THAP4: variants seen among roughly 807,000 people sequenced by gnomAD.
The protein encoded by THAP4 is peroxynitrite isomerase THAP4.
In THAP4, 18 loss-of-function variants were observed where a neutral mutation model predicts 48.1. The ratio of observed to expected loss-of-function variants is 0.37; its 90% CI spans 0.26 to 0.56. The LOEUF is 0.56. Ranked by LOEUF, THAP4 falls within the 20% of genes least tolerant of loss-of-function variation. The pLI, the probability that THAP4 is intolerant of heterozygous loss-of-function variation, is 0.78. For synonymous variants in THAP4, 345 were observed against 324.9 expected (o/e 1.06, Z -0.66); for missense variants, 656 against 774.9 (o/e 0.85, Z 1.82).
intron 4 of THAP4, 26 bp downstream of exon 4, chr2:241,602,944 C>T: frequency 6.3e-7 from 1 of 1,580,640 alleles, no homozygotes; most frequent in East Asian, 2.2e-5. Flanking sequence ...ATGGCCAGCC[C>T]TCCCGCCCCG....
chr2:241,603,622 A>G lies in THAP4; in HGVS notation c.1401-543T>C, dbSNP rs2067145490. 2.0e-5 allele frequency among the ~76,000 whole-genome samples: 3 copies of G among 152,214 alleles called. No homozygotes were observed. In the South Asian group the frequency reaches 6.2e-4, roughly 31 times the overall value. ...GGCATATCCTTGCCCTGGGCCCGTT[A>G]GCCCAGGCCTCACACAGTGTCAGCC... On this transcript the variant is annotated intron_variant, in intron 3 of 5. Coordinates refer to ENST00000407315, the MANE Select transcript of THAP4 (RefSeq NM_015963.6).
At chr2:241,614,782 G>A (rs1004394900) in intron 2 of THAP4, among the ~76,000 whole-genome samples, 6 of 152,074 alleles carry the variant, frequency 3.9e-5, no homozygotes, top group African/African-American at 1.5e-4. Flanking sequence ...TCAGCTACTC[G>A]GGAGGCTGAG....
At chr2:241,615,084 C>T (rs1055422861) in intron 2 of THAP4, among the ~76,000 whole-genome samples, 1 of 152,116 alleles carries the variant, frequency 6.6e-6, no homozygotes, top group African/African-American at 2.4e-5. Context: ...CCCTTGAAAA[C>T]ACTGCGCGAA....
intron 2 of THAP4, among the ~76,000 whole-genome samples, chr2:241,611,343 C>T (rs991913374): frequency 1.3e-5 from 2 of 152,228 alleles, no homozygotes; most frequent in Non-Finnish European, 2.9e-5. Context: ...CCCAGGTGTT[C>T]GCCCAGGTGC....
intron 1 of THAP4, among the ~76,000 whole-genome samples, chr2:241,634,337 G>T (rs1432754516): frequency 6.6e-6 from 1 of 152,214 alleles, no homozygotes; most frequent in Non-Finnish European, 1.5e-5. Context: ...GTAACCAACT[G>T]CTCCCCAGGC....
intron 5 of THAP4, among the ~76,000 whole-genome samples, chr2:241,594,035 A>G (rs1406965689): frequency 2.6e-5 from 4 of 152,170 alleles, no homozygotes; most frequent in East Asian, 1.9e-4. Context: ...TTGCCCATCA[A>G]TGAGGAATGG....
chr2:241,598,014 TA>T (rs2067070436), intron 5 of THAP4, among the ~76,000 whole-genome samples: 1 of 146,128 alleles, frequency 6.8e-6, no homozygotes, highest in Non-Finnish European at 1.5e-5. Context: ...ATAAAATAGA[TA>T]ACCTCTGACA....
intron 5 of THAP4, among the ~76,000 whole-genome samples, chr2:241,596,596 G>C (rs1311429260): frequency 6.7e-6 from 1 of 149,638 alleles, no homozygotes; most frequent in Non-Finnish European, 1.5e-5. Flanking sequence ...CACGAGGTCA[G>C]GAGATGGAGA....
At chr2:241,590,922 C>T (rs71430356) in intron 5 of THAP4, among the ~76,000 whole-genome samples, 2,392 of 27,396 alleles carry the variant, frequency 0.087, 25 homozygotes, top group Non-Finnish European at 0.12. Flanking sequence ...GCCCGGCTGA[C>T]GATGATGGGC....
intron 2 of THAP4, among the ~76,000 whole-genome samples, chr2:241,623,121 C>T (rs1386771288): frequency 5.9e-5 from 9 of 152,112 alleles, no homozygotes; most frequent in Non-Finnish European, 1.0e-4. Context: ...GAGGCTAAGG[C>T]CTCCTGAATC....
At position 241,616,358 on chromosome 2, in the gene THAP4, G is replaced by A. The variant is rs971582000; in HGVS notation, c.1241-9885C>T. On this transcript the variant is annotated intron_variant, in intron 2 of 5. Coordinates refer to ENST00000407315, the MANE Select transcript of THAP4 (RefSeq NM_015963.6). This position sits in a 1 kb window ranked among gnomAD's most constrained non-coding sequence, Gnocchi z 4.6. Reference sequence around the variant, plus strand: ...GGGCGGGTGCAGGCGCACGAGAGCTGAGGGCGAGCCCTGGCATCAGGACCA... The same window carrying A: ...GGGCGGGTGCAGGCGCACGAGAGCTAAGGGCGAGCCCTGGCATCAGGACCA... Among the ~76,000 whole-genome samples the A allele has an allele frequency of 3.3e-5, 5 of 152,222 alleles. No individual in the cohort carries two copies. Among genetic ancestry groups the A allele is most frequent in the Non-Finnish European group, 5.9e-5 (4 of 68,040 alleles).
intron 5 of THAP4, among the ~76,000 whole-genome samples, chr2:241,589,866 C>T (rs1240213967): frequency 6.6e-6 from 1 of 152,156 alleles, no homozygotes; most frequent in East Asian, 1.9e-4. Context: ...GTGGCACATG[C>T]AGCAGAACTG....
At chr2:241,599,943 C>G (rs2067092422) in intron 5 of THAP4, among the ~76,000 whole-genome samples, 1 of 152,214 alleles carries the variant, frequency 6.6e-6, no homozygotes, top group Admixed American at 6.5e-5. Flanking sequence ...GGCACAGTGG[C>G]TCATGCCTGT....
rs372036196 is a variant in THAP4 at position 241,633,082 on chromosome 2, C to T, written c.1075G>A (p.Val359Met). ...CFSSRQNKSQVCCLREQVEKK... is the reference protein window; with the variant it reads ...CFSSRQNKSQMCCLREQVEKK... ...TCCACCTGCTCCCGCAGGCAGCACA[C>T]CTGGCTCTTGTTCTGCCGGGAGGAG... The change falls in exon 2 of 6, where the codon GTG (valine) becomes ATG (methionine). Residue 359 changes from valine (V) to methionine (M), a missense_variant. By Grantham distance (21) the Val-to-Met change is conservative. Coordinates refer to ENST00000407315, the MANE Select transcript of THAP4 (RefSeq NM_015963.6). The surrounding 1 kb of genome is among the most constrained non-coding windows in gnomAD (Gnocchi z 7.5). The T allele has an allele frequency of 1.2e-6, 2 of 1,613,932 alleles. No individual in the cohort carries two copies. Among genetic ancestry groups the T allele is most frequent in the African/African-American group, 1.3e-5 (1 of 74,940 alleles).
Position 241,611,133 on chromosome 2 carries a change from C to T in THAP4, c.1241-4660G>A, listed in dbSNP as rs533731254. Among the ~76,000 whole-genome samples, 26 of 152,310 alleles carry T rather than the reference C, an allele frequency of 1.7e-4. No individual in the cohort carries two copies. In the South Asian group the frequency reaches 3.7e-3, roughly 22 times the overall value. On this transcript the variant is annotated intron_variant, in intron 2 of 5. Coordinates refer to ENST00000407315, the MANE Select transcript of THAP4 (RefSeq NM_015963.6). Reference sequence around the variant, plus strand: ...TGTGAGAAGTGGTGGGTCAGTGCCTCGCTGGAGGACAGGAGGGGCCTCTGG... The same window carrying T: ...TGTGAGAAGTGGTGGGTCAGTGCCTTGCTGGAGGACAGGAGGGGCCTCTGG...
At chr2:241,611,879 CAT>C (rs1358690277) in intron 2 of THAP4, among the ~76,000 whole-genome samples, 1 of 152,080 alleles carries the variant, frequency 6.6e-6, no homozygotes, top group Non-Finnish European at 1.5e-5. Context: ...AGCAGCAAAA[CAT>C]ACAAACTGCA....
intron 5 of THAP4, among the ~76,000 whole-genome samples, chr2:241,594,018 G>A (rs1300619250): frequency 2.0e-5 from 3 of 152,124 alleles, no homozygotes; most frequent in African/African-American, 7.2e-5. Flanking sequence ...ATTCAGTAAC[G>A]AACAACTTGC....
At chr2:241,604,401 G>T (rs372227453) in intron 3 of THAP4, among the ~76,000 whole-genome samples, 4 of 151,992 alleles carry the variant, frequency 2.6e-5, no homozygotes, top group Non-Finnish European at 4.4e-5. Context: ...ACAGGCATGC[G>T]CCACCATGCC....
chr2:241,635,537 T>C (rs2067625576), intron 1 of THAP4, among the ~76,000 whole-genome samples: 1 of 152,142 alleles, frequency 6.6e-6, no homozygotes, highest in Non-Finnish European at 1.5e-5. Context: ...GGTGGATCAC[T>C]TGAGGTCAGG....
Sources: gnomAD v4.1 joint callset for allele counts (sites outside exome capture counted in the v4.1 genomes callset) on GRCh38, gnomAD v4.1.1 for gene constraint, Gnocchi (gnomAD v3.1) non-coding constraint, MANE v1.5 for transcripts, NCBI Gene and HGNC (gene_info 2026-07-23, HGNC 2026-07-21) for gene names.